Variants in ZNF366 observed in about 807,000 individuals in gnomAD.
ZNF366 encodes zinc finger protein 366, also known as dendritic cell-specific transcript protein.
ZNF366 carries 20 observed loss-of-function variants against 47.2 expected under a neutral mutation model. The ratio of observed to expected loss-of-function variants is 0.42; its 90% CI spans 0.30 to 0.62. The LOEUF (loss-of-function observed/expected upper bound fraction) is 0.62. ZNF366 is among the 20% of genes least tolerant of loss of function. The pLI is 0.16. For synonymous variants in ZNF366, 421 were observed against 395.1 expected, an observed-to-expected ratio of 1.07 and a Z score of -0.78; for missense variants, 987 against 976.3, an observed-to-expected ratio of 1.01 and a Z score of -0.15.
intron 1 of ZNF366, among the ~76,000 whole-genome samples, chr5:72,478,400 C>A (rs1266988604): frequency 2.6e-5 from 4 of 152,158 alleles, no homozygotes; most frequent in African/African-American, 2.4e-5. Flanking sequence ...GCCATTATTC[C>A]ATTTTATGGA....
intron 1 of ZNF366, among the ~76,000 whole-genome samples, chr5:72,496,911 G>T (rs1260828265): frequency 2.6e-5 from 4 of 152,032 alleles, no homozygotes; most frequent in East Asian, 1.9e-4. Context: ...TTGATGTGCT[G>T]ATTTGCCATT....
chr5:72,461,620 G>A (rs969704572), intron 1 of ZNF366, 110 bp from the exon 2 acceptor site: 1 of 1,345,372 alleles, frequency 7.4e-7, no homozygotes. Flanking sequence ...AGTAGTACTT[G>A]CTTAATATGG....
intron 1 of ZNF366, among the ~76,000 whole-genome samples, chr5:72,462,007 GTCTTT>G (rs1425949356): frequency 2.0e-5 from 3 of 152,276 alleles, no homozygotes; most frequent in Admixed American, 6.5e-5. Flanking sequence ...GACTTTTAGG[GTCTTT>G]TCTTTGTGTA....
chr5:72,450,929 T>C (rs1333862134), intron 3 of ZNF366, among the ~76,000 whole-genome samples: 1 of 152,124 alleles, frequency 6.6e-6, no homozygotes, highest in East Asian at 1.9e-4. Flanking sequence ...GAGCCTGAGA[T>C]GTGAGCCCCA....
At position 72,442,943 on chromosome 5, in the gene ZNF366, G is replaced by C. The variant is rs553067873; in HGVS notation, c.*813C>G. On this transcript the variant is annotated 3_prime_UTR_variant, in exon 5 of 5. Transcript: ENST00000318442. ...CCCAAAGTGCTGGGATTACAGGCGTGAGCCTCTGCGCCCGGCCCCTGCATC... is the reference window on the plus strand; with the variant it reads ...CCCAAAGTGCTGGGATTACAGGCGTCAGCCTCTGCGCCCGGCCCCTGCATC... 6.6e-6 allele frequency: 1 copy of C among 152,482 alleles called. No homozygotes were observed. The highest frequency in any genetic ancestry group is 2.4e-5 in the African/African-American group (1 of 41,450). 9.4% of individuals were successfully genotyped at this position (152,482 alleles called of 1,614,324 possible). A position where few individuals can be genotyped will look rare whatever the true frequency, so the allele number is the denominator to read the frequency against.
At position 72,460,768 on chromosome 5, in the gene ZNF366, G is replaced by A; in HGVS notation, c.729C>T (p.Tyr243=). Residue 243 remains tyrosine, a synonymous_variant, in exon 2 of 5, where the codon TAC becomes TAT. Coordinates refer to ENST00000318442, the MANE Select transcript of ZNF366 (RefSeq NM_152625.3). Reference sequence around the variant, plus strand: ...GCTTCTGCGAGCCGCCCACGTCCACGTAGTAGCTGTCATCGATCTGCACGT... The same window carrying A: ...GCTTCTGCGAGCCGCCCACGTCCACATAGTAGCTGTCATCGATCTGCACGT... ...DVNVQIDDSY[Y]VDVGGSQKRW... 3 of 1,614,210 alleles carry A rather than the reference G, an allele frequency of 1.9e-6. No individual in the cohort carries two copies. The highest frequency in any genetic ancestry group is 2.2e-5 in the South Asian group (2 of 91,088).
At chr5:72,484,270 G>C (rs1348991843) in intron 1 of ZNF366, among the ~76,000 whole-genome samples, 2 of 151,804 alleles carry the variant, frequency 1.3e-5, no homozygotes, top group Non-Finnish European at 2.9e-5. Context: ...GGATCACGAG[G>C]TCAGGAGATC....
chr5:72,461,059 C>T lies in ZNF366; in HGVS notation c.438G>A (p.Gly146=), dbSNP rs1225766272. 1 of 1,614,094 alleles carries T rather than the reference C, an allele frequency of 6.2e-7. No individual in the cohort carries two copies. The highest frequency in any genetic ancestry group is 2.2e-5 in the East Asian group (1 of 44,852). ...TGGGTTCCTGCTTGACGGGCTTGCCCCCAAAGTGTTCCAGGCTGCGGTAGA... is the reference window on the plus strand; with the variant it reads ...TGGGTTCCTGCTTGACGGGCTTGCCTCCAAAGTGTTCCAGGCTGCGGTAGA... ...FQFYRSLEHF[G]GKPVKQEPIK... is the part of the protein sequence containing the mutation. The change falls in exon 2 of 5, where the codon GGG becomes GGA. Residue 146 remains glycine (G), a synonymous_variant. Transcript: ENST00000318442.
intron 1 of ZNF366, among the ~76,000 whole-genome samples, chr5:72,475,004 G>A (rs759428781): frequency 6.6e-6 from 1 of 152,168 alleles, no homozygotes; most frequent in Non-Finnish European, 1.5e-5. Flanking sequence ...TTTCTGTCCA[G>A]GGTACAGATC....
chr5:72,498,877 A>T (rs758815150), intron 1 of ZNF366, among the ~76,000 whole-genome samples: 16 of 152,212 alleles, frequency 1.1e-4, no homozygotes, highest in Admixed American at 5.9e-4. Flanking sequence ...TACATTTGGC[A>T]TTTTATGTCC....
At chr5:72,496,422 T>A (rs1744113922) in intron 1 of ZNF366, among the ~76,000 whole-genome samples, 2 of 152,234 alleles carry the variant, frequency 1.3e-5, no homozygotes, top group South Asian at 4.1e-4. Flanking sequence ...GGCTTCTTTC[T>A]CTCAGTGTGA....
intron 3 of ZNF366, among the ~76,000 whole-genome samples, chr5:72,455,420 G>A (rs1165480915): frequency 6.6e-6 from 1 of 152,118 alleles, no homozygotes; most frequent in Non-Finnish European, 1.5e-5. Flanking sequence ...GTAGCAGAGA[G>A]AAAAAACCTC....
intron 1 of ZNF366, among the ~76,000 whole-genome samples, chr5:72,472,152 C>T (rs1196833444): frequency 2.0e-5 from 3 of 152,184 alleles, no homozygotes; most frequent in Non-Finnish European, 4.4e-5. Context: ...GCCAGGAGGA[C>T]AATGTCTTAT....
At chr5:72,458,172 A>G (rs1743229201) in intron 2 of ZNF366, among the ~76,000 whole-genome samples, 1 of 151,762 alleles carries the variant, frequency 6.6e-6, no homozygotes, top group South Asian at 2.1e-4. Flanking sequence ...ACCCGCCACC[A>G]TGCCCGGCTA....
At chr5:72,462,535 C>CTTTCTT (rs1743340074) in intron 1 of ZNF366, among the ~76,000 whole-genome samples, 1 of 81,344 alleles carries the variant, frequency 1.2e-5, no homozygotes, top group Non-Finnish European at 2.2e-5. Flanking sequence ...TTCTTTCTTT[C>CTTTCTT]TTTCTTTCTT....
intron 1 of ZNF366, among the ~76,000 whole-genome samples, chr5:72,480,059 A>G (rs902820569): frequency 2.0e-5 from 3 of 152,252 alleles, no homozygotes; most frequent in African/African-American, 7.2e-5. Context: ...CTAAGGCAGA[A>G]TCATACATGA....
intron 4 of ZNF366, among the ~76,000 whole-genome samples, chr5:72,444,762 A>C (rs1742927595): frequency 6.6e-6 from 1 of 152,210 alleles, no homozygotes; most frequent in Non-Finnish European, 1.5e-5. Flanking sequence ...TATGTATTTT[A>C]AGTAAAAACA....
At chr5:72,444,718 A>G (rs910420254) in intron 4 of ZNF366, among the ~76,000 whole-genome samples, 1 of 152,228 alleles carries the variant, frequency 6.6e-6, no homozygotes. Context: ...TAGGGGATGT[A>G]GAGACCTACT....
chr5:72,466,069 C>G (rs1314641257), intron 1 of ZNF366, among the ~76,000 whole-genome samples: 1 of 152,168 alleles, frequency 6.6e-6, no homozygotes. Context: ...AACATCATGT[C>G]TGTTTTCTAA....
Sources: gnomAD v4.1 joint callset for allele counts (sites outside exome capture counted in the v4.1 genomes callset) on GRCh38, gnomAD v4.1.1 for gene constraint, MANE v1.5 for transcripts, NCBI Gene and HGNC (gene_info 2026-07-23, HGNC 2026-07-21) for gene names.